Variants in KDM4C observed in about 807,000 individuals in gnomAD.
KDM4C encodes the protein lysine-specific demethylase 4C.
A neutral mutation model predicts 129.3 loss-of-function variants in KDM4C; 81 were observed. That is an observed-to-expected ratio of 0.63 (90% confidence interval 0.52 to 0.75). The LOEUF (loss-of-function observed/expected upper bound fraction) is 0.75. Ranked by LOEUF, KDM4C falls within the 30% of genes least tolerant of loss-of-function variation. The probability of loss-of-function intolerance (pLI) is 0.00; values close to 1 mark genes in which losing one functional copy is unlikely to be tolerated. For synonymous variants in KDM4C, 573 were observed against 456.1 expected, an observed-to-expected ratio of 1.26 and a Z score of -3.26; for missense variants, 1,457 against 1,304.0, an observed-to-expected ratio of 1.12 and a Z score of -1.81.
At chr9:7,011,431 G>C (rs1047355244) in intron 12 of KDM4C, among the ~76,000 whole-genome samples, 2 of 152,148 alleles carry the variant, frequency 1.3e-5, no homozygotes, top group African/African-American at 4.8e-5. Flanking sequence ...AGGGAACAGT[G>C]TAATTATTTC....
intron 12 of KDM4C, among the ~76,000 whole-genome samples, chr9:7,009,344 C>T (rs146235653): frequency 3.9e-5 from 6 of 152,234 alleles, no homozygotes; most frequent in Admixed American, 6.5e-5. Flanking sequence ...GAAAAAGTGG[C>T]GTTCCATGAA....
At chr9:6,770,101 C>A (rs190586190) in intron 1 of KDM4C, among the ~76,000 whole-genome samples, 119 of 152,080 alleles carry the variant, frequency 7.8e-4, no homozygotes, top group African/African-American at 2.8e-3. Context: ...ATCGCTTGAT[C>A]CTGGGTGGTG....
At position 6,760,542 on chromosome 9, in the gene KDM4C, T is replaced by TTTTATTTATTTATTTA. The variant is rs370646653; in HGVS notation, c.-18+2367_-18+2382dup. Among the ~76,000 whole-genome samples the TTTTATTTATTTATTTA allele has an allele frequency of 1.4e-5, 2 of 143,880 alleles. 1 individual carries two copies. Among genetic ancestry groups the TTTTATTTATTTATTTA allele is most frequent in the African/African-American group, 5.2e-5 (2 of 38,452 alleles). 94.4% of individuals were successfully genotyped at this position (143,880 alleles called of 152,430 possible). ...ATAGTTAGTCTTGGGTGATACTCTT[T>TTTTATTTATTTATTTA]TTTATTTATTTATTTATTTATTTAT... On this transcript the variant is annotated intron_variant, in intron 1 of 21. Coordinates refer to ENST00000381309, the MANE Select transcript of KDM4C (RefSeq NM_015061.6).
At chr9:7,018,940 C>A (rs116023508) in intron 15 of KDM4C, among the ~76,000 whole-genome samples, 1 of 152,152 alleles carries the variant, frequency 6.6e-6, no homozygotes, top group Non-Finnish European at 1.5e-5. Context: ...GAACTGGGAA[C>A]TCTTGAATAT....
intron 4 of KDM4C, chr9:6,835,561 C>A (rs1306707109): frequency 8.9e-7 from 1 of 1,117,452 alleles, no homozygotes; most frequent in Non-Finnish European, 1.4e-6. Context: ...CATCATCCAT[C>A]CTTCAAATGC....
chr9:6,789,169 C>T (rs567267939), intron 1 of KDM4C, among the ~76,000 whole-genome samples: 4 of 151,186 alleles, frequency 2.6e-5, no homozygotes, highest in African/African-American at 9.7e-5. Flanking sequence ...CCTCCCGTCT[C>T]AGCCTCCGAG....
At chr9:6,850,640 C>T (rs1331176554) in intron 5 of KDM4C, among the ~76,000 whole-genome samples, 5 of 152,124 alleles carry the variant, frequency 3.3e-5, no homozygotes, top group African/African-American at 1.2e-4. Flanking sequence ...CCATGTTGCC[C>T]AGGCTGGTCT....
At chr9:7,147,618 G>T (rs1471566846) in intron 19 of KDM4C, among the ~76,000 whole-genome samples, 2 of 152,176 alleles carry the variant, frequency 1.3e-5, no homozygotes, top group Non-Finnish European at 2.9e-5. Flanking sequence ...GTGTTTGGGG[G>T]TGAGAAGTTA....
At chr9:6,834,718 C>T (rs1322207724) in intron 4 of KDM4C, 2 of 908,964 alleles carry the variant, frequency 2.2e-6, no homozygotes, top group Non-Finnish European at 3.7e-6. Context: ...TCTGGCACCA[C>T]ACCTTCTAAA....
chr9:6,835,145 C>A, intron 4 of KDM4C: 1 of 973,956 alleles, frequency 1.0e-6, no homozygotes, highest in South Asian at 1.3e-5. Context: ...ATGGCGGCTT[C>A]CAGCTCCTCC....
chr9:6,785,143 A>C (rs1825198251), intron 1 of KDM4C, among the ~76,000 whole-genome samples: 1 of 152,200 alleles, frequency 6.6e-6, no homozygotes, highest in African/African-American at 2.4e-5. Context: ...TCTGGAGGCT[A>C]AAGGCCAAAA....
At position 6,888,944 on chromosome 9, in the gene KDM4C, C is replaced by T. The variant is rs971424262; in HGVS notation, c.783+881C>T. 7.7e-4 allele frequency among the ~76,000 whole-genome samples: 68 copies of T among 88,474 alleles called. 18 individuals carry two copies. In the East Asian group the frequency reaches 0.016, roughly 21 times the overall value. The allele number at this position is 88,474 out of a possible 152,430, so 58.0% of individuals were successfully genotyped here. On this transcript the variant is annotated intron_variant, in intron 7 of 21. Transcript: ENST00000381309. Reference sequence around the variant, plus strand: ...CTGGGACTACAGGCGCCCGCCACTACGCCCGGCTAATTTTTTTGTATTTTT... The same window carrying T: ...CTGGGACTACAGGCGCCCGCCACTATGCCCGGCTAATTTTTTTGTATTTTT...
intron 8 of KDM4C, among the ~76,000 whole-genome samples, chr9:6,950,865 A>G (rs1203168740): frequency 6.6e-6 from 1 of 152,182 alleles, no homozygotes; most frequent in Non-Finnish European, 1.5e-5. Context: ...TGGCTGAGTT[A>G]AAATCTCAGA....
chr9:6,773,703 G>A (rs536393339), intron 1 of KDM4C, among the ~76,000 whole-genome samples: 32 of 151,700 alleles, frequency 2.1e-4, no homozygotes, highest in Non-Finnish European at 4.1e-4. Flanking sequence ...CCCAGGAGAC[G>A]GAGGTTGCAG....
intron 1 of KDM4C, among the ~76,000 whole-genome samples, chr9:6,730,306 A>G (rs1284519288): frequency 6.6e-6 from 1 of 152,114 alleles, no homozygotes; most frequent in African/African-American, 2.4e-5. Flanking sequence ...ACTTCAACTG[A>G]ATTAAATTTA....
At chr9:7,094,804 A>G (rs146485325) in intron 17 of KDM4C, among the ~76,000 whole-genome samples, 153 of 152,292 alleles carry the variant, frequency 1.0e-3, no homozygotes, top group African/African-American at 3.6e-3. Context: ...TCAATCATAA[A>G]TTTCCTCAAT....
At position 7,092,778 on chromosome 9, in the gene KDM4C, G is replaced by C. The variant is rs570509991; in HGVS notation, c.2425-10907G>C. 9.2e-5 allele frequency among the ~76,000 whole-genome samples: 14 copies of C among 152,272 alleles called. No homozygotes were observed. In the South Asian group the frequency reaches 2.9e-3, roughly 32 times the overall value. Reference sequence around the variant, plus strand: ...TAGTTGTATGATTGCCAGTGAGCCAGAACATAAGCGGTACACGTCTTTTAG... The same window carrying C: ...TAGTTGTATGATTGCCAGTGAGCCACAACATAAGCGGTACACGTCTTTTAG... On this transcript the variant is annotated intron_variant, in intron 17 of 21. Coordinates refer to ENST00000381309, the MANE Select transcript of KDM4C (RefSeq NM_015061.6).
intron 8 of KDM4C, among the ~76,000 whole-genome samples, chr9:6,971,130 C>G (rs966331442): frequency 6.6e-6 from 1 of 152,092 alleles, no homozygotes; most frequent in African/African-American, 2.4e-5. Context: ...ATAAGTGAAA[C>G]TATAGCCATG....
At chr9:6,809,641 T>C (rs1473224246) in intron 3 of KDM4C, among the ~76,000 whole-genome samples, 1 of 152,214 alleles carries the variant, frequency 6.6e-6, no homozygotes, top group Non-Finnish European at 1.5e-5. Flanking sequence ...ACTATTGAGA[T>C]GGATTTTGAA....
Sources: allele counts gnomAD v4.1 joint callset (sites outside exome capture counted in the v4.1 genomes callset), GRCh38; gene constraint gnomAD v4.1.1; transcripts MANE v1.5; gene names NCBI Gene and HGNC (gene_info 2026-07-23, HGNC 2026-07-21).